Variants in DOCK3 observed in about 807,000 individuals in gnomAD.
DOCK3 encodes dedicator of cytokinesis 3, also known as dedicator of cytokinesis protein 3.
DOCK3 carries 60 observed loss-of-function variants against 265.6 expected under a neutral mutation model. The ratio of observed to expected loss-of-function variants is 0.23; its 90% CI spans 0.18 to 0.28. DOCK3 has a LOEUF of 0.28. DOCK3 is among the 10% of genes least tolerant of loss of function. The pLI is 1.00. For missense variants in DOCK3, 1,981 were observed against 2,594.3 expected, an observed-to-expected ratio of 0.76 and a Z score of 5.14; for synonymous variants, 881 against 938.0, an observed-to-expected ratio of 0.94 and a Z score of 1.11.
At chr3:51,159,392 G>C (rs903634682) in intron 11 of DOCK3, 88 bp downstream of exon 11, 1 of 1,214,326 alleles carries the variant, frequency 8.2e-7, no homozygotes, top group Admixed American at 1.8e-5. Context: ...TTTCTCCCTA[G>C]ATCTTACCTG....
chr3:50,910,157 T>TTA, intron 4 of DOCK3, among the ~76,000 whole-genome samples: 1 of 152,216 alleles, frequency 6.6e-6, no homozygotes, highest in East Asian at 1.9e-4. Flanking sequence ...TTGCATTGGG[T>TTA]TAGGACATGC....
chr3:51,113,826 G>C (rs1034665175), intron 9 of DOCK3, among the ~76,000 whole-genome samples: 2 of 152,172 alleles, frequency 1.3e-5, no homozygotes, highest in East Asian at 1.9e-4. Flanking sequence ...AAATTTGAGA[G>C]TTTGTTAGAA....
chr3:50,932,013 G>A (rs981050061), intron 4 of DOCK3, among the ~76,000 whole-genome samples: 1 of 152,112 alleles, frequency 6.6e-6, no homozygotes, highest in African/African-American at 2.4e-5. Flanking sequence ...TCCATAAGTT[G>A]TGGTCAAAAT....
intron 1 of DOCK3, among the ~76,000 whole-genome samples, chr3:50,709,941 A>G (rs2107903391): frequency 6.6e-6 from 1 of 152,288 alleles, no homozygotes; most frequent in East Asian, 1.9e-4. Flanking sequence ...GATGTTTGCC[A>G]TAGTTCTAGA....
chr3:51,252,431 G>T (rs185925809), intron 22 of DOCK3, among the ~76,000 whole-genome samples: 1 of 152,172 alleles, frequency 6.6e-6, no homozygotes, highest in South Asian at 2.1e-4. Context: ...GGATGGCATT[G>T]AATCTATAAA....
intron 1 of DOCK3, among the ~76,000 whole-genome samples, chr3:50,697,954 T>TC (rs1262059546): frequency 6.6e-6 from 1 of 152,180 alleles, no homozygotes; most frequent in African/African-American, 2.4e-5. Flanking sequence ...TAAGTTTTCT[T>TC]CCATGATGTT....
chr3:50,864,713 G>A (rs145775349), intron 3 of DOCK3, among the ~76,000 whole-genome samples: 1 of 152,146 alleles, frequency 6.6e-6, no homozygotes, highest in African/African-American at 2.4e-5. Flanking sequence ...TTTCTCCAAT[G>A]TATATTCTTG....
intron 32 of DOCK3, among the ~76,000 whole-genome samples, chr3:51,329,869 CTT>C (rs2084402347): frequency 6.6e-6 from 1 of 152,106 alleles, no homozygotes; most frequent in South Asian, 2.1e-4. Flanking sequence ...GTAGGGAATC[CTT>C]GCCTTTTGCC....
chr3:51,105,362 TAA>T (rs530125858), intron 9 of DOCK3, among the ~76,000 whole-genome samples: 205 of 152,294 alleles, frequency 1.3e-3, no homozygotes, highest in African/African-American at 4.7e-3. Context: ...TAGTTTCTAA[TAA>T]AGTTAAGCAT....
intron 13 of DOCK3, among the ~76,000 whole-genome samples, chr3:51,210,168 T>C (rs2089426478): frequency 6.6e-6 from 1 of 152,210 alleles, no homozygotes; most frequent in Admixed American, 6.5e-5. Context: ...GAGATGATAG[T>C]ACTAATTCAT....
intron 4 of DOCK3, chr3:50,900,981 C>A: frequency 2.4e-6 from 1 of 410,554 alleles, no homozygotes; most frequent in Non-Finnish European, 4.8e-6. Flanking sequence ...AGCAGTCTAT[C>A]CCTTAGCAGA....
intron 33 of DOCK3, among the ~76,000 whole-genome samples, chr3:51,332,592 C>T (rs2084596345): frequency 6.6e-6 from 1 of 152,168 alleles, no homozygotes; most frequent in Admixed American, 6.5e-5. Flanking sequence ...ATAATCCAAG[C>T]ACTTTGGGAG....
intron 4 of DOCK3, among the ~76,000 whole-genome samples, chr3:50,926,976 C>G (rs2050788475): frequency 6.6e-6 from 1 of 152,158 alleles, no homozygotes; most frequent in African/African-American, 2.4e-5. Flanking sequence ...AACCTTCTAG[C>G]GACTCCCGTC....
chr3:51,313,902 GT>G lies in DOCK3; in HGVS notation c.3253+1001del, dbSNP rs562263285. 5.6e-3 allele frequency among the ~76,000 whole-genome samples: 853 copies of G among 152,296 alleles called. 4 individuals are homozygous for G. The highest frequency in any genetic ancestry group is 9.0e-3 in the Non-Finnish European group (611 of 68,020). ...CCAGGAATGCAAGAGACTGGCTACT[GT>G]GCCAAGTACCAAAATTGGAATATGC... On this transcript the variant is annotated intron_variant, in intron 31 of 52. Coordinates refer to ENST00000266037, the MANE Select transcript of DOCK3 (RefSeq NM_004947.5).
At chr3:51,286,102 T>C (rs1300414028) in intron 27 of DOCK3, among the ~76,000 whole-genome samples, 2 of 152,164 alleles carry the variant, frequency 1.3e-5, no homozygotes, top group Non-Finnish European at 2.9e-5. Flanking sequence ...CTAGATCTGA[T>C]AAACAACTTC....
chr3:51,152,562 A>C (rs1279920393), intron 10 of DOCK3, among the ~76,000 whole-genome samples: 1 of 152,098 alleles, frequency 6.6e-6, no homozygotes, highest in African/African-American at 2.4e-5. Flanking sequence ...AGTCCTTTGG[A>C]GGAGAAGAGG....
At chr3:51,203,758 C>A (rs887279444) in intron 12 of DOCK3, among the ~76,000 whole-genome samples, 116 of 152,326 alleles carry the variant, frequency 7.6e-4, no homozygotes, top group African/African-American at 2.6e-3. Context: ...TACCTGACTT[C>A]AAATTATACT....
intron 2 of DOCK3, among the ~76,000 whole-genome samples, chr3:50,807,425 G>A (rs755907443): frequency 3.8e-4 from 58 of 152,036 alleles, no homozygotes; most frequent in Non-Finnish European, 1.0e-4. Context: ...CTCCTGAAGG[G>A]CGTTAATCTC....
Position 50,934,089 on chromosome 3 carries a change from AT to A in DOCK3, c.315+14del. ...AACAGTTGTATGTGGTAAGTAGTTGATTACTGGTTTATTGGATCATTAAAGT... is the reference window on the plus strand; with the variant it reads ...AACAGTTGTATGTGGTAAGTAGTTGATACTGGTTTATTGGATCATTAAAGT... On this transcript the variant is annotated intron_variant, in intron 5 of 52. Coordinates refer to ENST00000266037, the MANE Select transcript of DOCK3 (RefSeq NM_004947.5). 2 of 1,574,334 alleles carry A rather than the reference AT, an allele frequency of 1.3e-6. No individual in the cohort carries two copies. Among genetic ancestry groups the A allele is most frequent in the Non-Finnish European group, 1.7e-6 (2 of 1,151,148 alleles).
Sources: allele counts gnomAD v4.1 joint callset (sites outside exome capture counted in the v4.1 genomes callset), GRCh38; gene constraint gnomAD v4.1.1; transcripts MANE v1.5; gene names NCBI Gene and HGNC (gene_info 2026-07-23, HGNC 2026-07-21).